ATRNL1: variants seen among roughly 807,000 people sequenced by gnomAD.
ATRNL1 encodes attractin like 1, also known as attractin-like protein 1.
In ATRNL1, 95 loss-of-function variants were observed where a neutral mutation model predicts 182.7. The ratio of observed to expected loss-of-function variants is 0.52; its 90% CI spans 0.44 to 0.62. ATRNL1 has a LOEUF of 0.62. ATRNL1 is among the 20% of genes least tolerant of loss of function. The probability of loss-of-function intolerance (pLI) is 0.00; values close to 1 mark genes in which losing one functional copy is unlikely to be tolerated. For missense variants in ATRNL1, 1,471 were observed against 1,679.5 expected (o/e 0.88, Z 2.17); for synonymous variants, 576 against 568.3 (o/e 1.01, Z -0.19).
At chr10:115,205,512 G>A (rs113735912) in intron 8 of ATRNL1, among the ~76,000 whole-genome samples, 1 of 151,568 alleles carries the variant, frequency 6.6e-6, no homozygotes, top group Admixed American at 6.6e-5. Flanking sequence ...TTATTATTCA[G>A]TTCTTTGTGT....
At chr10:115,415,099 T>A (rs1845325630) in intron 20 of ATRNL1, among the ~76,000 whole-genome samples, 1 of 152,020 alleles carries the variant, frequency 6.6e-6, no homozygotes, top group South Asian at 2.1e-4. Flanking sequence ...GCATATGTAG[T>A]TTTTTAGATA....
intron 26 of ATRNL1, among the ~76,000 whole-genome samples, chr10:115,657,678 C>T (rs1274152354): frequency 6.6e-6 from 1 of 152,068 alleles, no homozygotes; most frequent in Non-Finnish European, 1.5e-5. Context: ...AATGCCAGCC[C>T]AGCTGTTTCC....
intron 27 of ATRNL1, among the ~76,000 whole-genome samples, chr10:115,747,504 T>C (rs1948326573): frequency 6.6e-6 from 1 of 152,116 alleles, no homozygotes; most frequent in Non-Finnish European, 1.5e-5. Context: ...AGGCTGACTT[T>C]AACCAAGGAA....
At chr10:115,225,943 A>G (rs1554898583) in intron 9 of ATRNL1, among the ~76,000 whole-genome samples, 1 of 151,318 alleles carries the variant, frequency 6.6e-6, no homozygotes, top group Non-Finnish European at 1.5e-5. Context: ...CAATTTCCAA[A>G]AGAAAAACTT....
rs1479566920 is a variant in ATRNL1 at position 115,467,236 on chromosome 10, G to C, written c.3480G>C (p.Trp1160Cys). The C allele has an allele frequency of 6.2e-7, 1 of 1,602,150 alleles. No homozygotes were observed. Among genetic ancestry groups the C allele is most frequent in the Non-Finnish European group, 8.5e-7 (1 of 1,172,924 alleles). Residue 1160 changes from tryptophan (W) to cysteine (C), a missense_variant, in exon 23 of 29, where the codon TGG becomes TGC. Trp to Cys is a radical substitution (Grantham distance 215). Coordinates refer to ENST00000355044, the MANE Select transcript of ATRNL1 (RefSeq NM_207303.4). ...ASNNFNLNIT[W>C]SVGSTAGTIS... ...ACAACTTTAATCTCAACATTACGTG[G>C]TCTGTCGGTTCAACAGGTAAAAAAA...
chr10:115,748,574 C>G (rs1555069773), intron 27 of ATRNL1, among the ~76,000 whole-genome samples: 1 of 151,730 alleles, frequency 6.6e-6, no homozygotes, highest in African/African-American at 2.4e-5. Flanking sequence ...ACTATTTACT[C>G]ACCATTTATA....
chr10:115,544,827 A>G (rs1219980735), intron 25 of ATRNL1, among the ~76,000 whole-genome samples: 2 of 152,222 alleles, frequency 1.3e-5, no homozygotes, highest in Non-Finnish European at 2.9e-5. Context: ...TTGTCAATAA[A>G]GACGGAGACT....
chr10:115,541,939 T>C (rs757784676), intron 25 of ATRNL1, among the ~76,000 whole-genome samples: 1 of 152,192 alleles, frequency 6.6e-6, no homozygotes, highest in Non-Finnish European at 1.5e-5. Context: ...TGTTATACAT[T>C]AATGATTTAG....
At chr10:115,865,955 G>T (rs1052339704) in intron 28 of ATRNL1, among the ~76,000 whole-genome samples, 3 of 152,030 alleles carry the variant, frequency 2.0e-5, no homozygotes, top group Non-Finnish European at 2.9e-5. Context: ...TAGAAATAGT[G>T]ACTTTTAAAT....
intron 27 of ATRNL1, among the ~76,000 whole-genome samples, chr10:115,748,234 C>T (rs1224988781): frequency 6.6e-6 from 1 of 151,790 alleles, no homozygotes; most frequent in Non-Finnish European, 1.5e-5. Flanking sequence ...ATGTTGACAA[C>T]ATTTTGACCT....
chr10:115,283,411 C>T (rs782205706), intron 14 of ATRNL1, among the ~76,000 whole-genome samples: 1 of 152,096 alleles, frequency 6.6e-6, no homozygotes, highest in African/African-American at 2.4e-5. Flanking sequence ...GAGACTCTGT[C>T]TCAAAAACAA....
intron 4 of ATRNL1, among the ~76,000 whole-genome samples, chr10:115,128,852 A>C (rs1845094965): frequency 6.6e-6 from 1 of 151,772 alleles, no homozygotes; most frequent in Non-Finnish European, 1.5e-5. Flanking sequence ...AAAGAGTCTT[A>C]AAGCTAAATA....
chr10:115,378,021 G>C (rs1857774258), intron 19 of ATRNL1, among the ~76,000 whole-genome samples: 1 of 152,092 alleles, frequency 6.6e-6, no homozygotes, highest in Admixed American at 6.6e-5. Flanking sequence ...CTGGATTTCT[G>C]GGTGGGTCCT....
chr10:115,360,736 C>T (rs941884999), intron 19 of ATRNL1, among the ~76,000 whole-genome samples: 2 of 151,498 alleles, frequency 1.3e-5, no homozygotes, highest in East Asian at 1.9e-4. Flanking sequence ...CATAGGTAAA[C>T]GTGTGCCATG....
chr10:115,363,482 G>T (rs1319377011), intron 19 of ATRNL1, among the ~76,000 whole-genome samples: 1 of 146,490 alleles, frequency 6.8e-6, no homozygotes, highest in Non-Finnish European at 1.5e-5. Flanking sequence ...TGTTCACTCT[G>T]ATGGTAGTTT....
intron 24 of ATRNL1, among the ~76,000 whole-genome samples, chr10:115,517,035 G>T (rs555595161): frequency 1.1e-4 from 16 of 152,022 alleles, no homozygotes; most frequent in African/African-American, 3.6e-4. Context: ...TATTACAATG[G>T]TGTAGAACAG....
rs1554953820 is a variant in ATRNL1 at position 115,389,550 on chromosome 10, A to ATATATATG, written c.3176-5102_3176-5101insGTATATAT. On this transcript the variant is annotated intron_variant, in intron 19 of 28. Transcript: ENST00000355044. The stretch of plus-strand genomic sequence containing the variant: ...TTCAAATGTGTATGTGTATATATAT[A>ATATATATG]TATATATATATATATATATATATAT... Among the ~76,000 whole-genome samples the ATATATATG allele has an allele frequency of 1.8e-3, 97 of 54,766 alleles. 8 individuals carry two copies. Among genetic ancestry groups the ATATATATG allele is most frequent in the South Asian group, 9.7e-3 (14 of 1,450 alleles). 35.9% of individuals were successfully genotyped at this position (54,766 alleles called of 152,430 possible).
At chr10:115,120,575 G>T (rs1404242725) in intron 2 of ATRNL1, among the ~76,000 whole-genome samples, 1 of 151,940 alleles carries the variant, frequency 6.6e-6, no homozygotes, top group African/African-American at 2.4e-5. Flanking sequence ...AATTATAAAA[G>T]TATTTCTTGC....
chr10:115,497,350 A>G (rs1849600651), intron 24 of ATRNL1, among the ~76,000 whole-genome samples: 1 of 152,178 alleles, frequency 6.6e-6, no homozygotes, highest in South Asian at 2.1e-4. Flanking sequence ...AGGGGATCTA[A>G]GTGCAGAGTG....
Sources: allele counts gnomAD v4.1 joint callset (sites outside exome capture counted in the v4.1 genomes callset), GRCh38; gene constraint gnomAD v4.1.1; transcripts MANE v1.5; gene names NCBI Gene and HGNC (gene_info 2026-07-23, HGNC 2026-07-21).